DAB1: variants seen among roughly 807,000 people sequenced by gnomAD.
DAB1 encodes DAB adaptor protein 1.
DAB1 carries 15 observed loss-of-function variants against 64.6 expected under a neutral mutation model. That is an observed-to-expected ratio of 0.23 (90% CI 0.16 to 0.36). DAB1 has a LOEUF of 0.36. DAB1 is among the 10% of genes least tolerant of loss of function. The probability of loss-of-function intolerance (pLI) is 1.00; values close to 1 mark genes in which losing one functional copy is unlikely to be tolerated. For missense variants in DAB1, 596 were observed against 706.7 expected, an observed-to-expected ratio of 0.84 and a Z score of 1.78; for synonymous variants, 235 against 251.9, an observed-to-expected ratio of 0.93 and a Z score of 0.64.
At chr1:57,176,304 G>A (rs1338091543) in intron 2 of DAB1, among the ~76,000 whole-genome samples, 1 of 152,096 alleles carries the variant, frequency 6.6e-6, no homozygotes, top group African/African-American at 2.4e-5. Context: ...CCTGACTGGG[G>A]AGGCCTCACA....
chr1:58,459,353 G>T (rs990514903), intron 3 of DAB1, among the ~76,000 whole-genome samples: 1 of 152,244 alleles, frequency 6.6e-6, no homozygotes, highest in African/African-American at 2.4e-5. Context: ...ATAACTGTTG[G>T]CTTGGGCTGT....
chr1:58,501,176 C>T (rs919824260), intron 3 of DAB1, among the ~76,000 whole-genome samples: 1 of 152,092 alleles, frequency 6.6e-6, no homozygotes, highest in Non-Finnish European at 1.5e-5. Context: ...TTTTTAAATG[C>T]TAATGGATCA....
At chr1:57,102,689 A>G (rs2100696020) in intron 4 of DAB1, among the ~76,000 whole-genome samples, 1 of 152,326 alleles carries the variant, frequency 6.6e-6, no homozygotes. Context: ...GAGGCCAATG[A>G]CACAAAGTAT....
intron 7 of DAB1, among the ~76,000 whole-genome samples, chr1:57,513,835 C>G (rs1253961565): frequency 1.3e-5 from 2 of 152,164 alleles, no homozygotes; most frequent in Non-Finnish European, 1.5e-5. Flanking sequence ...CAATATCTCT[C>G]CAACACTCTC....
At chr1:57,425,313 T>C (rs575603779), upstream of DAB1, among the ~76,000 whole-genome samples, 2 of 152,304 alleles carry the variant, frequency 1.3e-5, no homozygotes, top group South Asian at 4.1e-4. Context: ...AGCTGTATAA[T>C]AACAAAGATA....
intron 2 of DAB1, among the ~76,000 whole-genome samples, chr1:57,272,600 A>T (rs920703487): frequency 5.9e-5 from 9 of 152,322 alleles, no homozygotes; most frequent in Non-Finnish European, 1.2e-4. Flanking sequence ...ATGGAGGCTT[A>T]GAGGATTTGG....
chr1:58,057,045 T>G (rs1648164061), intron 5 of DAB1, among the ~76,000 whole-genome samples: 1 of 152,158 alleles, frequency 6.6e-6, no homozygotes, highest in African/African-American at 2.4e-5. Context: ...CCTTCTATTT[T>G]CTACTAGGAC....
At chr1:58,316,050 T>C (rs1428087550) in intron 4 of DAB1, among the ~76,000 whole-genome samples, 1 of 152,216 alleles carries the variant, frequency 6.6e-6, no homozygotes, top group Non-Finnish European at 1.5e-5. Context: ...ATACTGCCCC[T>C]GTGGCCATAT....
At chr1:57,931,589 G>A (rs994253741) in intron 5 of DAB1, among the ~76,000 whole-genome samples, 19 of 152,150 alleles carry the variant, frequency 1.2e-4, no homozygotes, top group African/African-American at 4.3e-4. Context: ...AATGGTGTCT[G>A]TCACGGAGTT....
At chr1:58,482,912 G>A (rs1645514306) in intron 3 of DAB1, among the ~76,000 whole-genome samples, 1 of 152,160 alleles carries the variant, frequency 6.6e-6, no homozygotes, top group Admixed American at 6.5e-5. Flanking sequence ...ACTCTAAACA[G>A]CCTGCCTCTA....
chr1:57,449,893 A>G (rs532019951), intron 7 of DAB1, among the ~76,000 whole-genome samples: 3 of 152,278 alleles, frequency 2.0e-5, no homozygotes, highest in Admixed American at 2.0e-4. Context: ...TTGATTCTAG[A>G]ATTGTTTAGA....
intron 7 of DAB1, among the ~76,000 whole-genome samples, chr1:57,451,897 G>A (rs1298194144): frequency 2.6e-5 from 4 of 152,120 alleles, no homozygotes; most frequent in African/African-American, 9.7e-5. Flanking sequence ...TGTTTTGCAG[G>A]CTAAAGCTGA....
At chr1:57,343,817 G>C (rs899273530) in intron 1 of DAB1, among the ~76,000 whole-genome samples, 1 of 152,240 alleles carries the variant, frequency 6.6e-6, no homozygotes, top group African/African-American at 2.4e-5. Flanking sequence ...AGCTGAGGGA[G>C]CTGGCTCTGG....
At chr1:57,675,347 T>C (rs990682331) in intron 6 of DAB1, among the ~76,000 whole-genome samples, 1 of 152,178 alleles carries the variant, frequency 6.6e-6, no homozygotes, top group Non-Finnish European at 1.5e-5. Flanking sequence ...AAGGCTAACA[T>C]AGAAACAGCA....
intron 6 of DAB1, among the ~76,000 whole-genome samples, chr1:57,784,201 T>C (rs1282516539): frequency 1.3e-5 from 2 of 152,046 alleles, no homozygotes; most frequent in African/African-American, 4.8e-5. Context: ...TTGAGACCAG[T>C]CTGGGCAAAA....
chr1:57,856,179 GAGA>G (rs35900535), intron 1 of DAB1, among the ~76,000 whole-genome samples: 11,442 of 152,118 alleles, frequency 0.075, 657 homozygotes, highest in Admixed American at 0.21. Context: ...AGCTAGAAAA[GAGA>G]AGAAGCTGGG....
chr1:57,682,181 A>G (rs1031574365), intron 6 of DAB1, among the ~76,000 whole-genome samples: 3 of 152,028 alleles, frequency 2.0e-5, no homozygotes, highest in Non-Finnish European at 2.9e-5. Flanking sequence ...AAAACATCCA[A>G]TTAGTTTCCT....
intron 5 of DAB1, among the ~76,000 whole-genome samples, chr1:57,946,610 G>A (rs77248599): frequency 0.012 from 1,786 of 152,208 alleles, 35 homozygotes; most frequent in African/African-American, 0.041. Context: ...GAGGGGATGC[G>A]GTCTGATATA....
intron 3 of DAB1, among the ~76,000 whole-genome samples, chr1:58,491,100 C>G (rs1645679898): frequency 1.3e-5 from 2 of 151,978 alleles, no homozygotes; most frequent in Non-Finnish European, 2.9e-5. Context: ...AACCACTGCA[C>G]CCGGCCCTTC....
Sources: gnomAD v4.1 joint callset for allele counts (sites outside exome capture counted in the v4.1 genomes callset) on GRCh38, gnomAD v4.1.1 for gene constraint, MANE v1.5 for transcripts, NCBI Gene and HGNC (gene_info 2026-07-23, HGNC 2026-07-21) for gene names.